PCCA: variants seen among roughly 807,000 people sequenced by gnomAD.
The protein encoded by PCCA is propionyl-CoA carboxylase alpha chain, mitochondrial.
A neutral mutation model predicts 101.3 loss-of-function variants in PCCA; 74 were observed. The observed-to-expected ratio is 0.73, with a 90% CI of 0.61 to 0.89. The LOEUF (loss-of-function observed/expected upper bound fraction) is 0.89. PCCA is among the 40% of genes least tolerant of loss of function. The probability of loss-of-function intolerance (pLI) is 0.00; values close to 1 mark genes in which losing one functional copy is unlikely to be tolerated. For missense variants in PCCA, 891 were observed against 907.0 expected, an observed-to-expected ratio of 0.98 and a Z score of 0.23; for synonymous variants, 294 against 313.6, an observed-to-expected ratio of 0.94 and a Z score of 0.66.
rs2075715632 is a variant in PCCA at position 100,373,606 on chromosome 13, G to A, written c.1746+5032G>A. ...GCCAGGGGCAGAGAGGAAGGGGAAT[G>A]AGGAGTTATTGCTTCAAGAATACAA... On this transcript the variant is annotated intron_variant, in intron 19 of 23. Transcript: ENST00000376285. Among the ~76,000 whole-genome samples, 3 of 152,210 alleles carry A rather than the reference G, an allele frequency of 2.0e-5. No homozygotes were observed. In the South Asian group the frequency reaches 6.2e-4, roughly 32 times the overall value.
At chr13:100,382,640 A>T (rs1016285230) in intron 19 of PCCA, among the ~76,000 whole-genome samples, 1 of 152,194 alleles carries the variant, frequency 6.6e-6, no homozygotes, top group African/African-American at 2.4e-5. Flanking sequence ...ATGGTTATAT[A>T]TGATAACATT....
At chr13:100,268,149 T>C (rs1190517527) in intron 10 of PCCA, among the ~76,000 whole-genome samples, 1 of 152,208 alleles carries the variant, frequency 6.6e-6, no homozygotes. Context: ...AGATGTTCAA[T>C]GGGAAAAACT....
intron 6 of PCCA, among the ~76,000 whole-genome samples, chr13:100,182,522 G>A (rs7330241): frequency 0.053 from 8,116 of 152,250 alleles, 739 homozygotes; most frequent in African/African-American, 0.19. Context: ...TTATCTGTGC[G>A]TTATACGTGG....
chr13:100,487,528 A>ATGTTTTT (rs2084485603), intron 21 of PCCA, among the ~76,000 whole-genome samples: 1 of 152,168 alleles, frequency 6.6e-6, no homozygotes, highest in Admixed American at 6.5e-5. Flanking sequence ...GGTTAAATTA[A>ATGTTTTT]TATTTTTTAT....
intron 23 of PCCA, 65 bp from the exon 24 acceptor site, chr13:100,530,033 G>C: frequency 8.0e-7 from 1 of 1,248,564 alleles, no homozygotes; most frequent in South Asian, 1.2e-5. Context: ...TTAGGAGCCT[G>C]CCGCCTCTTG....
intron 19 of PCCA, among the ~76,000 whole-genome samples, chr13:100,415,202 G>A (rs970956216): frequency 1.4e-5 from 2 of 146,712 alleles, no homozygotes; most frequent in East Asian, 2.0e-4. Context: ...CCAGGAGATC[G>A]AGACCAGCCT....
At chr13:100,131,364 C>T (rs533556492) in intron 4 of PCCA, among the ~76,000 whole-genome samples, 2 of 152,130 alleles carry the variant, frequency 1.3e-5, no homozygotes, top group Admixed American at 6.5e-5. Flanking sequence ...AATCAAGAGC[C>T]GTGATTTCCA....
At position 100,268,753 on chromosome 13, in the gene PCCA, G is replaced by T; in HGVS notation, c.884G>T (p.Arg295Ile). ...GAAAGAGAGTGCTCAATTCAGAGAAGAAATCAGAAGGTGGTGGAGGAAGCA... is the reference window on the plus strand; with the variant it reads ...GAAAGAGAGTGCTCAATTCAGAGAATAAATCAGAAGGTGGTGGAGGAAGCA... The part of the protein sequence containing the change: ...LNERECSIQR[R>I]NQKVVEEAPS... Residue 295 changes from arginine (R) to isoleucine (I), a missense_variant, in exon 11 of 24, where the codon AGA (arginine) becomes ATA (isoleucine). Arg to Ile is a moderately conservative substitution (Grantham distance 97, BLOSUM62 -3). Coordinates refer to ENST00000376285, the MANE Select transcript of PCCA (RefSeq NM_000282.4). 1 of 1,614,072 alleles carries T rather than the reference G, an allele frequency of 6.2e-7. No individual in the cohort carries two copies. The highest frequency in any genetic ancestry group is 8.5e-7 in the Non-Finnish European group (1 of 1,179,884).
intron 12 of PCCA, among the ~76,000 whole-genome samples, chr13:100,277,540 G>A (rs1427876825): frequency 6.6e-6 from 1 of 152,092 alleles, no homozygotes; most frequent in Non-Finnish European, 1.5e-5. Flanking sequence ...TGGCTTTAGA[G>A]GTACATTATG....
chr13:100,418,191 A>G (rs952896435), intron 19 of PCCA, among the ~76,000 whole-genome samples: 2 of 152,078 alleles, frequency 1.3e-5, no homozygotes, highest in African/African-American at 4.8e-5. Flanking sequence ...TCATTCTTCC[A>G]TCAGTCTCAA....
rs60267730 is a variant in PCCA, at chr13:100,185,647, CTT to C, written c.469-23671_469-23670del. Among the ~76,000 whole-genome samples the C allele has an allele frequency of 4.6e-3, 611 of 133,826 alleles. 2 individuals carry two copies. The highest frequency in any genetic ancestry group is 8.9e-3 in the African/African-American group (318 of 35,900). 87.8% of individuals were successfully genotyped at this position (133,826 alleles called of 152,430 possible). ...TACAAGTTTTCTTAAATTTCTTTTT[CTT>C]TTTTTTTTTTTTTGTGAGACGGAGT... On this transcript the variant is annotated intron_variant, in intron 6 of 23. Transcript: ENST00000376285.
intron 17 of PCCA, among the ~76,000 whole-genome samples, chr13:100,335,933 C>G (rs2070377335): frequency 6.6e-6 from 1 of 152,178 alleles, no homozygotes; most frequent in Non-Finnish European, 1.5e-5. Context: ...GAGAACGGGC[C>G]TGGATTAGAA....
At chr13:100,443,414 T>C (rs929444856) in intron 20 of PCCA, among the ~76,000 whole-genome samples, 2 of 150,850 alleles carry the variant, frequency 1.3e-5, no homozygotes, top group African/African-American at 2.4e-5. Flanking sequence ...ACCATGCCAC[T>C]GCACTCCAGC....
At chr13:100,179,163 T>A (rs993992478) in intron 6 of PCCA, among the ~76,000 whole-genome samples, 1 of 151,586 alleles carries the variant, frequency 6.6e-6, no homozygotes, top group African/African-American at 2.4e-5. Context: ...AATAATAAAG[T>A]TAAGTATTTG....
At chr13:100,313,332 G>C (rs1241749933) in intron 16 of PCCA, among the ~76,000 whole-genome samples, 1 of 152,178 alleles carries the variant, frequency 6.6e-6, no homozygotes, top group Non-Finnish European at 1.5e-5. Context: ...TTGCAATAGA[G>C]AAAGAGTTTA....
chr13:100,422,119 T>TTTCTTTCTTTCTTTC (rs1226787642), intron 19 of PCCA, among the ~76,000 whole-genome samples: 2 of 82,212 alleles, frequency 2.4e-5, no homozygotes, highest in African/African-American at 4.2e-5. Flanking sequence ...TCTTTCTTTC[T>TTTCTTTCTTTCTTTC]TTTCTTTCTT....
intron 21 of PCCA, among the ~76,000 whole-genome samples, chr13:100,504,728 A>G (rs2085934947): frequency 6.6e-6 from 1 of 152,182 alleles, no homozygotes; most frequent in African/African-American, 2.4e-5. Context: ...AGAGGTCAAG[A>G]GATTGAGATC....
In PCCA at chr13:100,244,207, A is replaced by C. The variant is rs372680923; in HGVS notation, c.637+8329A>C. ...AAAGAAAATGGCATTAAAATAATCT[A>C]TGTGAAATCCATTAAATAATGAGAT... On this transcript the variant is annotated intron_variant, in intron 8 of 23. Coordinates refer to ENST00000376285, the MANE Select transcript of PCCA (RefSeq NM_000282.4). 9.8e-4 allele frequency among the ~76,000 whole-genome samples: 150 copies of C among 152,368 alleles called. 4 individuals are homozygous for C. In the South Asian group the frequency reaches 0.028, roughly 28 times the overall value.
chr13:100,425,386 T>C (rs1358091552), intron 19 of PCCA, among the ~76,000 whole-genome samples: 4 of 152,216 alleles, frequency 2.6e-5, no homozygotes, highest in African/African-American at 9.7e-5. Flanking sequence ...AGGCTGTTTG[T>C]TACTTACGGA....
Sources: gnomAD v4.1 joint callset for allele counts (sites outside exome capture counted in the v4.1 genomes callset) on GRCh38, gnomAD v4.1.1 for gene constraint, MANE v1.5 for transcripts, NCBI Gene and HGNC (gene_info 2026-07-23, HGNC 2026-07-21) for gene names.